PPFIA2: variants seen among roughly 807,000 people sequenced by gnomAD.
The protein encoded by PPFIA2 is PPFI scaffold protein A2.
PPFIA2 carries 46 observed loss-of-function variants against 175.5 expected under a neutral mutation model. The observed-to-expected ratio is 0.26, with a 90% confidence interval of 0.21 to 0.34. The LOEUF is 0.34. Among genes scored for constraint, PPFIA2 ranks in the 10% least tolerant of loss-of-function variants. The pLI, the probability that PPFIA2 is intolerant of heterozygous loss-of-function variation, is 1.00. For missense variants in PPFIA2, 1,179 were observed against 1,506.1 expected, an observed-to-expected ratio of 0.78 and a Z score of 3.60; for synonymous variants, 568 against 511.4, an observed-to-expected ratio of 1.11 and a Z score of -1.49.
intron 8 of PPFIA2, among the ~76,000 whole-genome samples, chr12:81,404,998 C>T (rs1361405994): frequency 6.6e-6 from 1 of 152,174 alleles, no homozygotes; most frequent in East Asian, 1.9e-4. Flanking sequence ...AATGATTCTC[C>T]TGAGTTTCCA....
chr12:81,295,517 A>C (rs1039808258), intron 23 of PPFIA2, among the ~76,000 whole-genome samples: 1 of 152,214 alleles, frequency 6.6e-6, no homozygotes, highest in African/African-American at 2.4e-5. Flanking sequence ...CAAAGCATGC[A>C]GTGTAGCTAA....
intron 4 of PPFIA2, among the ~76,000 whole-genome samples, chr12:81,532,314 T>TAGGGC (rs1263020442): frequency 1.3e-5 from 2 of 151,596 alleles, no homozygotes; most frequent in Admixed American, 1.3e-4. Flanking sequence ...AATAGGAGGA[T>TAGGGC]AGGGCAGAGC....
chr12:81,662,870 C>T (rs1392858965), intron 4 of PPFIA2, among the ~76,000 whole-genome samples: 7 of 152,192 alleles, frequency 4.6e-5, no homozygotes, highest in Non-Finnish European at 1.0e-4. Flanking sequence ...AAGTGGGCTT[C>T]ATCCCTGGGA....
chr12:81,348,071 C>T (rs1055638994), intron 17 of PPFIA2, among the ~76,000 whole-genome samples: 1 of 152,064 alleles, frequency 6.6e-6, no homozygotes, highest in Non-Finnish European at 1.5e-5. Flanking sequence ...AAATCTTGAA[C>T]CTAATTAATT....
At chr12:81,696,711 T>C (rs1041377198) in intron 3 of PPFIA2, among the ~76,000 whole-genome samples, 3 of 152,094 alleles carry the variant, frequency 2.0e-5, no homozygotes, top group Non-Finnish European at 4.4e-5. Flanking sequence ...TACTTTGCTT[T>C]TGATTGAGCA....
chr12:81,557,807 T>C (rs1485115959), intron 4 of PPFIA2, among the ~76,000 whole-genome samples: 3 of 152,116 alleles, frequency 2.0e-5, no homozygotes, highest in African/African-American at 4.8e-5. Context: ...GCTCACTAAA[T>C]GTGTAATTTA....
rs200698301 is a variant in PPFIA2 at position 81,559,682 on chromosome 12, C to CT, written c.304-101817dup. Among the ~76,000 whole-genome samples the CT allele has an allele frequency of 1.2e-4, 19 of 152,050 alleles. No individual in the cohort carries two copies. The East Asian group carries it at 3.7e-3, about 29-fold the overall frequency. On this transcript the variant is annotated intron_variant, in intron 4 of 32. Transcript: ENST00000549396. The stretch of plus-strand genomic sequence containing the variant: ...TTTCTCAAAAACATCAAAAGGAAAA[C>CT]TTTTTTATATTTAGGTGAGATCTTG...
chr12:81,620,859 A>G (rs1262783763), intron 4 of PPFIA2, among the ~76,000 whole-genome samples: 1 of 152,248 alleles, frequency 6.6e-6, no homozygotes, highest in Non-Finnish European at 1.5e-5. Flanking sequence ...TGAGATACCC[A>G]TGTAAAATCA....
chr12:81,752,770 T>G (rs1262750430), intron 3 of PPFIA2, among the ~76,000 whole-genome samples: 1 of 152,140 alleles, frequency 6.6e-6, no homozygotes, highest in Non-Finnish European at 1.5e-5. Flanking sequence ...AAGCCATAAC[T>G]TTGTGGAGAG....
intron 21 of PPFIA2, 99 bp from the exon 22 acceptor site, chr12:81,325,969 T>C (rs539054213): frequency 2.5e-6 from 2 of 815,460 alleles, no homozygotes; most frequent in East Asian, 2.7e-5. Flanking sequence ...CTGTTTAGTA[T>C]CACATTTAAA....
chr12:81,690,951 C>G (rs964606670), intron 3 of PPFIA2, among the ~76,000 whole-genome samples: 1 of 152,130 alleles, frequency 6.6e-6, no homozygotes, highest in African/African-American at 2.4e-5. Context: ...TTGCCTCCTT[C>G]TTATAAGGAC....
At chr12:81,458,704 T>A (rs2054011955) in intron 4 of PPFIA2, among the ~76,000 whole-genome samples, 1 of 152,156 alleles carries the variant, frequency 6.6e-6, no homozygotes, top group Non-Finnish European at 1.5e-5. Flanking sequence ...GAGAGTTTGT[T>A]AACACACAGA....
rs866347100 is a variant in PPFIA2 at position 81,495,121 on chromosome 12, A to G, written c.304-37255T>C. Among the ~76,000 whole-genome samples, 6 of 152,004 alleles carry G rather than the reference A, an allele frequency of 3.9e-5. No individual in the cohort carries two copies. In the South Asian group the frequency reaches 8.3e-4, roughly 21 times the overall value. On this transcript the variant is annotated intron_variant, in intron 4 of 32. Coordinates refer to ENST00000549396, the MANE Select transcript of PPFIA2 (RefSeq NM_003625.5). ...TAATAAAATTTTAAAAAAAAGAAAA[A>G]GTGTCGTTTAGGACATCAGTCTTCA...
intron 22 of PPFIA2, among the ~76,000 whole-genome samples, chr12:81,305,303 C>T (rs1037923335): frequency 6.6e-6 from 1 of 152,022 alleles, no homozygotes; most frequent in Non-Finnish European, 1.5e-5. Flanking sequence ...TCTTATTTTC[C>T]CAAAGCAATT....
At position 81,347,601 on chromosome 12, in the gene PPFIA2, G is replaced by T; in HGVS notation, c.2164C>A (p.His722Asn). 1 of 1,613,768 alleles carries T rather than the reference G, an allele frequency of 6.2e-7. No individual in the cohort carries two copies. Among genetic ancestry groups the T allele is most frequent in the Non-Finnish European group, 8.5e-7 (1 of 1,179,752 alleles). ...SLASSSPPSGHSTPKLTPRSP... is the reference protein window; with the variant it reads ...SLASSSPPSGNSTPKLTPRSP... ...CGAGGGGTGAGCTTTGGAGTTGAGT[G>T]TCCACTGGGGGGAGATGAACTGGCC... Residue 722 changes from histidine (H) to asparagine (N), a missense_variant, in exon 18 of 33, where the codon CAC (histidine) becomes AAC (asparagine). By Grantham distance (68) the His-to-Asn change is moderately conservative. Transcript: ENST00000549396.
At chr12:81,477,890 C>A in intron 4 of PPFIA2, among the ~76,000 whole-genome samples, 1 of 151,484 alleles carries the variant, frequency 6.6e-6, no homozygotes, top group East Asian at 1.9e-4. Context: ...TGGATCTCTG[C>A]CAGGTTTTGG....
chr12:81,547,085 G>T (rs1225305133), intron 4 of PPFIA2, among the ~76,000 whole-genome samples: 2 of 152,070 alleles, frequency 1.3e-5, no homozygotes, highest in East Asian at 3.9e-4. Flanking sequence ...TTTGGTGTTG[G>T]CAGGAAAATT....
intron 4 of PPFIA2, among the ~76,000 whole-genome samples, chr12:81,463,498 T>G (rs2146004174): frequency 1.3e-5 from 2 of 152,244 alleles, no homozygotes; most frequent in East Asian, 3.9e-4. Context: ...CTTTCCCCAC[T>G]CTATATTTTG....
intron 3 of PPFIA2, among the ~76,000 whole-genome samples, chr12:81,678,300 T>C (rs1235267164): frequency 6.6e-6 from 1 of 151,888 alleles, no homozygotes; most frequent in Non-Finnish European, 1.5e-5. Flanking sequence ...AGAGGACTTA[T>C]GCTACTAATT....
Sources: allele counts gnomAD v4.1 joint callset (sites outside exome capture counted in the v4.1 genomes callset), GRCh38; gene constraint gnomAD v4.1.1; transcripts MANE v1.5; gene names NCBI Gene and HGNC (gene_info 2026-07-23, HGNC 2026-07-21).